Variants in ROR2 observed in about 807,000 individuals in gnomAD.
ROR2 encodes the protein ROR family WNT receptor 2, also known as tyrosine-protein kinase transmembrane receptor ROR2.
ROR2 carries 33 observed loss-of-function variants against 74.9 expected under a neutral mutation model. The observed-to-expected ratio is 0.44, with a 90% CI of 0.33 to 0.59. ROR2 has a LOEUF of 0.59. ROR2 is among the 20% of genes least tolerant of loss of function. The pLI is 0.02. For missense variants in ROR2, 1,216 were observed against 1,313.8 expected (o/e 0.93, Z 1.15); for synonymous variants, 586 against 558.7 (o/e 1.05, Z -0.69).
intron 1 of ROR2, among the ~76,000 whole-genome samples, chr9:91,868,247 G>T (rs925914325): frequency 6.6e-6 from 1 of 151,846 alleles, no homozygotes; most frequent in Non-Finnish European, 1.5e-5. Context: ...TCAATGAAAG[G>T]GATCAATGGG....
chr9:91,902,807 C>T (rs540536895), intron 1 of ROR2, among the ~76,000 whole-genome samples: 2 of 152,326 alleles, frequency 1.3e-5, no homozygotes, highest in East Asian at 1.9e-4. Context: ...ACACATGCTG[C>T]AACATGGATA....
chr9:91,731,445 T>A (rs1189658312), intron 6 of ROR2, among the ~76,000 whole-genome samples: 1 of 152,078 alleles, frequency 6.6e-6, no homozygotes, highest in Non-Finnish European at 1.5e-5. Flanking sequence ...AATGGGGATG[T>A]CTCCCCAGCC....
chr9:91,745,868 A>T (rs947062609), intron 4 of ROR2, among the ~76,000 whole-genome samples: 1 of 152,168 alleles, frequency 6.6e-6, no homozygotes, highest in African/African-American at 2.4e-5. Context: ...GGATTTAAGG[A>T]AAGTTGTATT....
At position 91,839,249 on chromosome 9, in the gene ROR2, GGGGTGTGT is replaced by G. The variant is rs1381273451; in HGVS notation, c.98-63439_98-63432del. On this transcript the variant is annotated intron_variant, in intron 1 of 8. Coordinates refer to ENST00000375708, the MANE Select transcript of ROR2 (RefSeq NM_004560.4). The stretch of plus-strand genomic sequence containing the variant: ...CCTGATTCCTGGTGCTGTCAGATCG[GGGGTGTGT>G]GTGTGTGTGTGTGTGTGTGTGTGTG... Among the ~76,000 whole-genome samples the G allele has an allele frequency of 3.2e-3, 424 of 132,670 alleles. 5 individuals carry two copies. The highest frequency in any genetic ancestry group is 0.018 in the East Asian group (82 of 4,658). The allele number at this position is 132,670 out of a possible 152,430, so 87.0% of individuals were successfully genotyped here.
intron 2 of ROR2, among the ~76,000 whole-genome samples, chr9:91,762,189 AG>A (rs1825933242): frequency 6.6e-6 from 1 of 152,196 alleles, no homozygotes; most frequent in Non-Finnish European, 1.5e-5. Flanking sequence ...CCAGTCTTCC[AG>A]CCCCGGTTTC....
chr9:91,760,437 T>A (rs1825879064), intron 2 of ROR2, among the ~76,000 whole-genome samples: 1 of 151,940 alleles, frequency 6.6e-6, no homozygotes, highest in Non-Finnish European at 1.5e-5. Flanking sequence ...ATGGAGACAA[T>A]CCTGGCTAAC....
At chr9:91,841,947 C>A (rs532947174) in intron 1 of ROR2, among the ~76,000 whole-genome samples, 1 of 152,188 alleles carries the variant, frequency 6.6e-6, no homozygotes, top group Non-Finnish European at 1.5e-5. Flanking sequence ...GACAGAATGC[C>A]TTACCCAAGG....
At chr9:91,911,246 C>T (rs888991322) in intron 1 of ROR2, among the ~76,000 whole-genome samples, 1 of 152,222 alleles carries the variant, frequency 6.6e-6, no homozygotes, top group African/African-American at 2.4e-5. Flanking sequence ...GACAGGGATA[C>T]ATTCTGAGAA....
chr9:91,903,967 T>C (rs1587835155), intron 1 of ROR2, among the ~76,000 whole-genome samples: 1 of 152,270 alleles, frequency 6.6e-6, no homozygotes, highest in East Asian at 1.9e-4. Flanking sequence ...CAAAGAAACA[T>C]GTGAACCATC....
chr9:91,899,848 AACAC>A (rs144727445), intron 1 of ROR2, among the ~76,000 whole-genome samples: 2 of 151,986 alleles, frequency 1.3e-5, no homozygotes, highest in African/African-American at 4.8e-5. Context: ...ACTGGTCGCA[AACAC>A]ACACACACAG....
At chr9:91,871,179 G>A (rs1829783841) in intron 1 of ROR2, among the ~76,000 whole-genome samples, 1 of 152,242 alleles carries the variant, frequency 6.6e-6, no homozygotes, top group Admixed American at 6.5e-5. Flanking sequence ...TTCCTCTGCT[G>A]TCTCTCCTCT....
chr9:91,913,365 T>G (rs745796036), intron 1 of ROR2, among the ~76,000 whole-genome samples: 4 of 151,992 alleles, frequency 2.6e-5, no homozygotes, highest in Non-Finnish European at 4.4e-5. Context: ...TTTCAGTCTT[T>G]CCAAAATTTG....
At chr9:91,885,904 A>C (rs1469211030) in intron 1 of ROR2, among the ~76,000 whole-genome samples, 2 of 112,134 alleles carry the variant, frequency 1.8e-5, no homozygotes, top group East Asian at 2.6e-4. Context: ...ACAGAATTTC[A>C]CTCTTCTTGC....
intron 1 of ROR2, among the ~76,000 whole-genome samples, chr9:91,796,436 G>GA (rs907750118): frequency 0.061 from 5,341 of 87,474 alleles, 196 homozygotes; most frequent in African/African-American, 0.1. Flanking sequence ...TTGTCCCAAG[G>GA]AAAAAAAAAA....
chr9:91,739,871 A>G (rs1245717764), intron 4 of ROR2, among the ~76,000 whole-genome samples: 1 of 152,170 alleles, frequency 6.6e-6, no homozygotes, highest in African/African-American at 2.4e-5. Context: ...TACCAACATA[A>G]ATGGAAGTCA....
chr9:91,746,662 G>C (rs904761791), intron 4 of ROR2, among the ~76,000 whole-genome samples: 1 of 152,096 alleles, frequency 6.6e-6, no homozygotes, highest in Non-Finnish European at 1.5e-5. Flanking sequence ...GAGCTGGGGA[G>C]ATAAGTCAGA....
chr9:91,785,415 G>A (rs1826765020), intron 1 of ROR2, among the ~76,000 whole-genome samples: 1 of 152,204 alleles, frequency 6.6e-6, no homozygotes, highest in Non-Finnish European at 1.5e-5. Flanking sequence ...AGAGCACTGT[G>A]TGTGCACACA....
chr9:91,793,504 A>G (rs1397188352), intron 1 of ROR2, among the ~76,000 whole-genome samples: 75 of 152,136 alleles, frequency 4.9e-4, no homozygotes, highest in Non-Finnish European at 7.4e-5. Flanking sequence ...AAGACTATAG[A>G]AAACCAAAAG....
chr9:91,873,054 T>G (rs1458539460), intron 1 of ROR2, among the ~76,000 whole-genome samples: 2 of 152,224 alleles, frequency 1.3e-5, no homozygotes, highest in African/African-American at 4.8e-5. Context: ...CATCATACTT[T>G]CGATTCCAAC....
Sources: allele counts gnomAD v4.1 joint callset (sites outside exome capture counted in the v4.1 genomes callset), GRCh38; gene constraint gnomAD v4.1.1; transcripts MANE v1.5; gene names NCBI Gene and HGNC (gene_info 2026-07-23, HGNC 2026-07-21).